CDH2: variants seen among roughly 807,000 people sequenced by gnomAD.
The protein encoded by CDH2 is cadherin-2.
CDH2 carries 17 observed loss-of-function variants against 92.0 expected under a neutral mutation model. The ratio of observed to expected loss-of-function variants is 0.18; its 90% CI spans 0.13 to 0.28. The LOEUF (loss-of-function observed/expected upper bound fraction) is 0.28, where lower values mean the gene tolerates loss of function less well. CDH2 is among the 10% of genes least tolerant of loss of function. The probability of loss-of-function intolerance (pLI) is 1.00; values close to 1 mark genes in which losing one functional copy is unlikely to be tolerated. For missense variants in CDH2, 862 were observed against 1,133.1 expected, an observed-to-expected ratio of 0.76 and a Z score of 3.44; for synonymous variants, 419 against 415.9, an observed-to-expected ratio of 1.01 and a Z score of -0.09.
At chr18:28,043,349 A>G (rs1204267728) in intron 2 of CDH2, among the ~76,000 whole-genome samples, 1 of 151,082 alleles carries the variant, frequency 6.6e-6, no homozygotes, top group Non-Finnish European at 1.5e-5. Context: ...CACACTGGGT[A>G]CAGTGTACAC....
intron 2 of CDH2, among the ~76,000 whole-genome samples, chr18:28,111,322 A>G (rs975507505): frequency 1.3e-5 from 2 of 152,218 alleles, no homozygotes; most frequent in African/African-American, 4.8e-5. Context: ...CGTGACCCCA[A>G]TCCCAAACCC....
intron 10 of CDH2, among the ~76,000 whole-genome samples, chr18:27,989,301 T>G (rs2012334669): frequency 6.6e-6 from 1 of 152,182 alleles, no homozygotes; most frequent in South Asian, 2.1e-4. Flanking sequence ...TTTTAAAGAT[T>G]AGATAACCAG....
intron 2 of CDH2, among the ~76,000 whole-genome samples, chr18:28,131,082 G>A (rs539504123): frequency 1.3e-4 from 20 of 152,158 alleles, no homozygotes; most frequent in Non-Finnish European, 8.8e-5. Context: ...TGCCATGTAG[G>A]ACCAATAAAT....
chr18:28,085,413 T>C (rs1345386529), intron 2 of CDH2, among the ~76,000 whole-genome samples: 1 of 152,120 alleles, frequency 6.6e-6, no homozygotes, highest in Non-Finnish European at 1.5e-5. Flanking sequence ...CCTGCTCCTC[T>C]GCACACGCGT....
chr18:28,112,241 G>A (rs1177274681), intron 2 of CDH2, among the ~76,000 whole-genome samples: 2 of 152,314 alleles, frequency 1.3e-5, no homozygotes, highest in East Asian at 3.9e-4. Flanking sequence ...TCCAGAGCTG[G>A]TTTGTTTCAT....
chr18:28,155,250 T>C (rs2016189717), intron 1 of CDH2, among the ~76,000 whole-genome samples: 1 of 152,128 alleles, frequency 6.6e-6, no homozygotes, highest in Non-Finnish European at 1.5e-5. Context: ...TAACCTCATC[T>C]GTGCTTCAGC....
At chr18:27,963,755 A>G in intron 14 of CDH2, 1 of 477,396 alleles carries the variant, frequency 2.1e-6, no homozygotes, top group Non-Finnish European at 3.8e-6. Flanking sequence ...AATGTTCCTC[A>G]TCAGTTTCCA....
At chr18:28,162,750 T>G (rs575329738) in intron 1 of CDH2, among the ~76,000 whole-genome samples, 1 of 152,336 alleles carries the variant, frequency 6.6e-6, no homozygotes, top group South Asian at 2.1e-4. Flanking sequence ...TAAAGCACTG[T>G]TAAAGCCCTG....
At chr18:28,176,820 GGCCGCGCGGC>G (rs1310992776) in intron 1 of CDH2, 133 bp downstream of exon 1, 4 of 266,076 alleles carry the variant, frequency 1.5e-5, no homozygotes, top group Middle Eastern at 1.8e-3. Context: ...CGCAGCTACC[GGCCGCGCGGC>G]GCGGCGCGGC....
At chr18:27,994,453 T>C (rs1260622776) in intron 7 of CDH2, among the ~76,000 whole-genome samples, 1 of 152,240 alleles carries the variant, frequency 6.6e-6, no homozygotes, top group Non-Finnish European at 1.5e-5. Context: ...TAAGCTATAA[T>C]ATATCTAAGA....
chr18:28,151,461 CT>C (rs1340426993), intron 1 of CDH2, among the ~76,000 whole-genome samples: 1 of 152,170 alleles, frequency 6.6e-6, no homozygotes, highest in Non-Finnish European at 1.5e-5. Flanking sequence ...GAGTGCCAAG[CT>C]CAAAATGTCA....
intron 2 of CDH2, among the ~76,000 whole-genome samples, chr18:28,016,247 C>A (rs1309842052): frequency 1.3e-5 from 2 of 152,160 alleles, no homozygotes; most frequent in African/African-American, 4.8e-5. Flanking sequence ...CCTAAGCAGA[C>A]TATAAACTCA....
chr18:28,054,290 CA>C (rs1436457203), intron 2 of CDH2, among the ~76,000 whole-genome samples: 2 of 151,942 alleles, frequency 1.3e-5, no homozygotes, highest in East Asian at 3.9e-4. Context: ...TAAACCTTAC[CA>C]AAAATAGTTA....
At chr18:28,055,979 T>C (rs2014284883) in intron 2 of CDH2, among the ~76,000 whole-genome samples, 1 of 152,152 alleles carries the variant, frequency 6.6e-6, no homozygotes, top group South Asian at 2.1e-4. Flanking sequence ...TTCTAATGAC[T>C]ATATGGTAAC....
chr18:28,038,167 T>C (rs1567974672), intron 2 of CDH2, among the ~76,000 whole-genome samples: 2 of 152,142 alleles, frequency 1.3e-5, no homozygotes, highest in Non-Finnish European at 2.9e-5. Flanking sequence ...CTCAGACCTA[T>C]AGTCCCAGCA....
intron 2 of CDH2, among the ~76,000 whole-genome samples, chr18:28,106,481 T>TG (rs1404187560): frequency 3.3e-5 from 5 of 151,722 alleles, no homozygotes; most frequent in Non-Finnish European, 7.4e-5. Flanking sequence ...GAGTTTTTTT[T>TG]TTTGTTTCTT....
intron 2 of CDH2, among the ~76,000 whole-genome samples, chr18:28,091,177 A>AGTTTT (rs1213694854): frequency 2.0e-5 from 3 of 152,206 alleles, no homozygotes; most frequent in African/African-American, 7.2e-5. Context: ...GATTGCAAAA[A>AGTTTT]GTTTTGTTTT....
chr18:28,125,408 T>G (rs1289234281), intron 2 of CDH2, among the ~76,000 whole-genome samples: 1 of 151,840 alleles, frequency 6.6e-6, no homozygotes, highest in Non-Finnish European at 1.5e-5. Flanking sequence ...GGAGATGGAA[T>G]GGAGTAAAAA....
intron 2 of CDH2, among the ~76,000 whole-genome samples, chr18:28,137,387 T>A (rs983123910): frequency 6.6e-6 from 1 of 152,038 alleles, no homozygotes; most frequent in African/African-American, 2.4e-5. Flanking sequence ...CAGGAAAGCA[T>A]CCATAAAAAG....
Sources: gnomAD v4.1 joint callset for allele counts (sites outside exome capture counted in the v4.1 genomes callset) on GRCh38, gnomAD v4.1.1 for gene constraint, MANE v1.5 for transcripts, NCBI Gene and HGNC (gene_info 2026-07-23, HGNC 2026-07-21) for gene names.